AP3S2: variants seen among roughly 807,000 people sequenced by gnomAD.
The protein encoded by AP3S2 is AP-3 complex subunit sigma-2.
Under a neutral mutation model 23.4 loss-of-function variants are expected in AP3S2, and 22 were observed. The ratio of observed to expected loss-of-function variants is 0.94; its 90% confidence interval spans 0.67 to 1.34. The LOEUF (loss-of-function observed/expected upper bound fraction) is 1.34, where lower values mean the gene tolerates loss of function less well. Among genes scored for constraint, AP3S2 ranks in the 40% most tolerant of loss-of-function variants. The pLI is 0.00. For missense variants in AP3S2, 241 were observed against 236.9 expected, an observed-to-expected ratio of 1.02 and a Z score of -0.11; for synonymous variants, 86 against 87.1, an observed-to-expected ratio of 0.99 and a Z score of 0.07.
chr15:89,878,113 C>T (rs1254664407), intron 3 of AP3S2, among the ~76,000 whole-genome samples: 1 of 151,648 alleles, frequency 6.6e-6, no homozygotes, highest in Non-Finnish European at 1.5e-5. Context: ...TCTTTTAAAA[C>T]ATAAAATAAA....
intron 4 of AP3S2, among the ~76,000 whole-genome samples, chr15:89,849,727 C>T (rs903349920): frequency 6.6e-6 from 1 of 151,970 alleles, no homozygotes; most frequent in African/African-American, 2.4e-5. Context: ...ATGTGCAGAA[C>T]ATGCAGGTTT....
At chr15:89,871,196 G>A (rs1896310834) in intron 4 of AP3S2, among the ~76,000 whole-genome samples, 1 of 152,178 alleles carries the variant, frequency 6.6e-6, no homozygotes, top group South Asian at 2.1e-4. Flanking sequence ...CAAGTAGCCA[G>A]TGACATCATT....
Position 89,889,082 on chromosome 15 carries a change from T to A in AP3S2, c.128A>T (p.Asp43Val). The A allele has an allele frequency of 6.2e-7, 1 of 1,614,182 alleles. No homozygotes were observed. The highest frequency in any genetic ancestry group is 8.5e-7 in the Non-Finnish European group (1 of 1,180,032). ...CTCCAAGAAGTTACAGATGTTGTCA[T>A]CCCGCTTGAGGACTAGATGGAAAGT... ...RETFHLVLKR[D>V]DNICNFLEGG... is the part of the protein sequence containing the mutation. Residue 43 changes from aspartate to valine, a missense_variant, in exon 2 of 6, where the codon GAT (aspartate) becomes GTT (valine). Transcript: ENST00000336418.
chr15:89,868,974 C>G, intron 4 of AP3S2, among the ~76,000 whole-genome samples: 1 of 147,768 alleles, frequency 6.8e-6, no homozygotes, highest in African/African-American at 2.6e-5. Context: ...GCCCGGCCAG[C>G]CGCCCCGTCC....
At chr15:89,889,690 A>C (rs1195581852) in intron 1 of AP3S2, among the ~76,000 whole-genome samples, 1 of 150,548 alleles carries the variant, frequency 6.6e-6, no homozygotes, top group Non-Finnish European at 1.5e-5. Flanking sequence ...AAAAAAAAAC[A>C]AAACAAAATA....
At chr15:89,850,198 CT>C (rs1895611529) in intron 4 of AP3S2, among the ~76,000 whole-genome samples, 1 of 152,198 alleles carries the variant, frequency 6.6e-6, no homozygotes. Flanking sequence ...TTCTGAATCA[CT>C]TTTATGAACT....
intron 5 of AP3S2, among the ~76,000 whole-genome samples, chr15:89,836,157 G>C (rs556628333): frequency 6.6e-6 from 1 of 152,178 alleles, no homozygotes; most frequent in African/African-American, 2.4e-5. Context: ...CTTGAGGTTA[G>C]ATGGGGTTTG....
At chr15:89,877,013 C>A in intron 3 of AP3S2, 1 of 273,620 alleles carries the variant, frequency 3.7e-6, no homozygotes, top group South Asian at 3.6e-5. Context: ...GGAAAAAAGT[C>A]AAGGCAAGAA....
chr15:89,867,282 G>A (rs1896156430), intron 4 of AP3S2, among the ~76,000 whole-genome samples: 1 of 150,476 alleles, frequency 6.6e-6, no homozygotes, highest in African/African-American at 2.4e-5. Flanking sequence ...CCGAGGTGCC[G>A]GGATTGCAGA....
At chr15:89,847,072 C>T (rs1464716051) in intron 4 of AP3S2, among the ~76,000 whole-genome samples, 1 of 152,028 alleles carries the variant, frequency 6.6e-6, no homozygotes, top group Non-Finnish European at 1.5e-5. Flanking sequence ...CAAAGTTAAC[C>T]TCTGCAGACA....
intron 4 of AP3S2, among the ~76,000 whole-genome samples, chr15:89,852,965 T>C (rs938073421): frequency 6.6e-5 from 10 of 152,270 alleles, no homozygotes; most frequent in South Asian, 2.1e-4. Context: ...ATGGAGGTCT[T>C]TGTACATAAG....
chr15:89,877,119 A>G (rs1447692947), intron 3 of AP3S2: 1 of 366,924 alleles, frequency 2.7e-6, no homozygotes, highest in Non-Finnish European at 5.3e-6. Context: ...AAGAGTGAAG[A>G]TGAAGCTAGA....
chr15:89,883,877 A>G (rs1896631226), intron 3 of AP3S2: 1 of 152,234 alleles, frequency 6.6e-6, no homozygotes, highest in African/African-American at 2.4e-5. Context: ...CTGAAATCCA[A>G]AACACTGCAA....
At chr15:89,877,596 C>T (rs187033458) in intron 3 of AP3S2, among the ~76,000 whole-genome samples, 165 of 152,194 alleles carry the variant, frequency 1.1e-3, no homozygotes, top group Non-Finnish European at 2.1e-3. Flanking sequence ...TGCCTGTAAT[C>T]CCAGCACTTT....
At chr15:89,880,128 G>A (rs1204031784) in intron 3 of AP3S2, among the ~76,000 whole-genome samples, 1 of 151,556 alleles carries the variant, frequency 6.6e-6, no homozygotes, top group Admixed American at 6.6e-5. Flanking sequence ...GGGTGACGAA[G>A]TGAGACTCTG....
chr15:89,890,222 G>T (rs1438992632), intron 1 of AP3S2, among the ~76,000 whole-genome samples: 1 of 152,070 alleles, frequency 6.6e-6, no homozygotes, highest in Non-Finnish European at 1.5e-5. Context: ...GCTAATTTTT[G>T]TATTTATAGT....
chr15:89,837,083 C>G (rs1276038324), intron 5 of AP3S2, among the ~76,000 whole-genome samples: 1 of 152,188 alleles, frequency 6.6e-6, no homozygotes, highest in Non-Finnish European at 1.5e-5. Context: ...AGCCCAGCAC[C>G]ATGTGGGGGT....
At chr15:89,854,988 G>GAGCC (rs1168207393) in intron 4 of AP3S2, among the ~76,000 whole-genome samples, 1 of 94,332 alleles carries the variant, frequency 1.1e-5, no homozygotes, top group Non-Finnish European at 2.2e-5. Flanking sequence ...GGGAAGTGAG[G>GAGCC]AGCCCCTCTG....
chr15:89,867,243 A>G (rs1596206922), intron 4 of AP3S2, among the ~76,000 whole-genome samples: 2 of 149,024 alleles, frequency 1.3e-5, no homozygotes, highest in East Asian at 4.1e-4. Flanking sequence ...CCAGCCCCTA[A>G]CCGCGAGTGA....
Sources: allele counts gnomAD v4.1 joint callset (sites outside exome capture counted in the v4.1 genomes callset), GRCh38; gene constraint gnomAD v4.1.1; transcripts MANE v1.5; gene names NCBI Gene and HGNC (gene_info 2026-07-23, HGNC 2026-07-21).